The following TMEM150C variants were observed in gnomAD, a reference collection of about 807,000 sequenced individuals.
TMEM150C encodes the protein tentonin 3.
Under a neutral mutation model 29.9 loss-of-function variants are expected in TMEM150C, and 10 were observed. The observed-to-expected ratio is 0.33, with a 90% CI of 0.21 to 0.57. The LOEUF (loss-of-function observed/expected upper bound fraction) is 0.57, where lower values mean the gene tolerates loss of function less well. Ranked by LOEUF, TMEM150C falls within the 20% of genes least tolerant of loss-of-function variation. TMEM150C has a pLI of 0.88. For synonymous variants in TMEM150C, 101 were observed against 112.5 expected (o/e 0.90, Z 0.64); for missense variants, 251 against 303.6 (o/e 0.83, Z 1.29).
At chr4:82,506,572 C>T (rs557046685) in intron 1 of TMEM150C, among the ~76,000 whole-genome samples, 1 of 152,086 alleles carries the variant, frequency 6.6e-6, no homozygotes, top group Non-Finnish European at 1.5e-5. Context: ...TATCAGGTGG[C>T]GGAAATACTG....
intron 1 of TMEM150C, among the ~76,000 whole-genome samples, chr4:82,537,857 C>G (rs1260105599): frequency 6.6e-6 from 1 of 152,122 alleles, no homozygotes; most frequent in African/African-American, 2.4e-5. Context: ...TCCCCTAGAG[C>G]CTTCAATAGG....
chr4:82,492,798 A>G (rs1723401977), intron 6 of TMEM150C, among the ~76,000 whole-genome samples: 1 of 137,622 alleles, frequency 7.3e-6, no homozygotes, highest in Admixed American at 7.7e-5. Flanking sequence ...TCTCCAAAAA[A>G]AAAAAAAAAA....
intron 1 of TMEM150C, among the ~76,000 whole-genome samples, chr4:82,533,830 A>C (rs1256740133): frequency 1.3e-5 from 2 of 152,234 alleles, no homozygotes; most frequent in Non-Finnish European, 2.9e-5. Context: ...TATCCGCACA[A>C]TGAAAGAATG....
At chr4:82,561,991 G>A, upstream of TMEM150C, 4 of 1,112,910 alleles carry the variant, frequency 3.6e-6, no homozygotes, top group Non-Finnish European at 4.4e-6. Flanking sequence ...CGGCGGGTAG[G>A]GCGCTTCCTT....
rs750854054 is a variant in TMEM150C, at chr4:82,502,937, A to T, written c.135-10T>A. 1.2e-5 allele frequency: 7 copies of T among 592,714 alleles called. No homozygotes were observed. The highest frequency in any genetic ancestry group is 3.5e-5 in the South Asian group (1 of 28,632). The allele number at this position is 592,714 out of a possible 1,614,324, so 36.7% of individuals were successfully genotyped here. A position where few individuals can be genotyped will look rare whatever the true frequency, so the allele number is the denominator to read the frequency against. ...CTTCACACCAGGTTTCCTGGATAAT[A>T]AAAAAAAAAAACACAGAAGCTCAGG... On this transcript the variant is annotated splice_polypyrimidine_tract_variant and intron_variant, in intron 3 of 7. Transcript: ENST00000449862.
chr4:82,504,088 G>A (rs1723822843), intron 2 of TMEM150C, among the ~76,000 whole-genome samples: 1 of 152,068 alleles, frequency 6.6e-6, no homozygotes, highest in South Asian at 2.1e-4. Flanking sequence ...ACTCACTCTT[G>A]TTACTTACTT....
chr4:82,526,910 T>A lies in TMEM150C; in HGVS notation c.-10-22243A>T, dbSNP rs144415984. Among the ~76,000 whole-genome samples, 783 of 152,172 alleles carry A rather than the reference T, an allele frequency of 5.1e-3. 11 individuals are homozygous for A. Among genetic ancestry groups the A allele is most frequent in the African/African-American group, 0.018 (743 of 41,512 alleles). ...TCTTCGGTTAAGAATCATGATTTTG[T>A]CTCCCCTGGCATGTCTTCCCCGTGT... On this transcript the variant is annotated intron_variant, in intron 1 of 7. Transcript: ENST00000449862.
intron 1 of TMEM150C, among the ~76,000 whole-genome samples, chr4:82,516,955 T>C (rs1339475354): frequency 6.6e-6 from 1 of 152,144 alleles, no homozygotes; most frequent in East Asian, 1.9e-4. Context: ...GAAGAACTAA[T>C]CAACAACTCA....
rs185174408 is a variant in TMEM150C at position 82,555,865 on chromosome 4, C to T, written c.-11+6041G>A. The stretch of plus-strand genomic sequence containing the variant: ...ACTTGTTAAGCACTCAATAATGTTA[C>T]TCACTATTAGCTATTATTTTTGTCT... On this transcript the variant is annotated intron_variant, in intron 1 of 7. Transcript: ENST00000449862. Among the ~76,000 whole-genome samples the T allele has an allele frequency of 2.5e-3, 375 of 152,316 alleles. 5 individuals carry two copies. The highest frequency in any genetic ancestry group is 8.5e-3 in the African/African-American group (353 of 41,572).
At chr4:82,544,057 C>G (rs191524371) in intron 1 of TMEM150C, among the ~76,000 whole-genome samples, 2 of 152,172 alleles carry the variant, frequency 1.3e-5, no homozygotes, top group African/African-American at 4.8e-5. Flanking sequence ...TACGAACGAT[C>G]GGATATTAAC....
At chr4:82,536,290 G>A (rs537046279) in intron 1 of TMEM150C, among the ~76,000 whole-genome samples, 14 of 150,530 alleles carry the variant, frequency 9.3e-5, no homozygotes, top group Non-Finnish European at 1.0e-4. Flanking sequence ...CCCGGGAGGC[G>A]GAGGTTGCCG....
At chr4:82,488,965 G>A (rs1050113835) in intron 7 of TMEM150C, among the ~76,000 whole-genome samples, 24 of 151,544 alleles carry the variant, frequency 1.6e-4, no homozygotes, top group Non-Finnish European at 2.9e-4. Context: ...ATCTTAGCTC[G>A]CTGCAGCCTT....
At chr4:82,495,089 A>G in intron 6 of TMEM150C, 12 of 1,032,772 alleles carry the variant, frequency 1.2e-5, no homozygotes, top group Non-Finnish European at 1.6e-5. Context: ...TAGGTTTCTT[A>G]CCTTCTTTGT....
chr4:82,519,573 C>T lies in TMEM150C; in HGVS notation c.-10-14906G>A, dbSNP rs144344147. Among the ~76,000 whole-genome samples, 3 of 152,128 alleles carry T rather than the reference C, an allele frequency of 2.0e-5. No homozygotes were observed. The East Asian group carries it at 5.8e-4, about 29-fold the overall frequency. On this transcript the variant is annotated intron_variant, in intron 1 of 7. Transcript: ENST00000449862. Reference sequence around the variant, plus strand: ...CCCCAAGTAGCTGGGATCACAGGCACGTGTGACCACGCCCAGCTAATTTTT... The same window carrying T: ...CCCCAAGTAGCTGGGATCACAGGCATGTGTGACCACGCCCAGCTAATTTTT...
intron 2 of TMEM150C, among the ~76,000 whole-genome samples, chr4:82,504,101 G>A (rs1382575129): frequency 6.6e-6 from 1 of 152,046 alleles, no homozygotes; most frequent in African/African-American, 2.4e-5. Context: ...ACTTACTTTG[G>A]TTAATAGAAA....
At chr4:82,556,967 A>T (rs1400228030) in intron 1 of TMEM150C, among the ~76,000 whole-genome samples, 1 of 152,172 alleles carries the variant, frequency 6.6e-6, no homozygotes, top group Admixed American at 6.5e-5. Context: ...ATTGAGGAAG[A>T]GTCCCTTCCA....
Position 82,496,141 on chromosome 4 carries a change from G to C in TMEM150C, c.290C>G (p.Pro97Arg). The C allele has an allele frequency of 6.2e-7, 1 of 1,613,916 alleles. No homozygotes were observed. The highest frequency in any genetic ancestry group is 8.5e-7 in the Non-Finnish European group (1 of 1,179,844). Residue 97 changes from proline (P) to arginine (R), a missense_variant, in exon 6 of 8, where the codon CCG becomes CGG. By Grantham distance (103) the Pro-to-Arg change is moderately radical. Transcript: ENST00000449862. ...CACCAATCCACTAATATTCAGCCAC[G>C]GGTTTAAAACCTTCGGTTTCAGTTG... ...FIQLKPKVLN[P>R]WLNISGLVAL...
At chr4:82,529,496 C>T (rs907976078) in intron 1 of TMEM150C, among the ~76,000 whole-genome samples, 8 of 152,052 alleles carry the variant, frequency 5.3e-5, no homozygotes, top group African/African-American at 1.4e-4. Context: ...ACTATGTTGC[C>T]CAGGCTGACT....
At chr4:82,551,210 G>C (rs985689201) in intron 1 of TMEM150C, among the ~76,000 whole-genome samples, 5 of 152,150 alleles carry the variant, frequency 3.3e-5, no homozygotes, top group African/African-American at 1.2e-4. Context: ...GAGACTTGTA[G>C]TTCTTAGAAA....
Sources: allele counts gnomAD v4.1 joint callset (sites outside exome capture counted in the v4.1 genomes callset), GRCh38; gene constraint gnomAD v4.1.1; transcripts MANE v1.5; gene names NCBI Gene and HGNC (gene_info 2026-07-23, HGNC 2026-07-21).